The following BRPF3 variants were observed in gnomAD, a reference collection of about 807,000 sequenced individuals.
The protein encoded by BRPF3 is bromodomain and PHD finger containing 3, also known as bromodomain and PHD finger-containing protein 3.
In BRPF3, 18 loss-of-function variants were observed where a neutral mutation model predicts 102.0. The observed-to-expected ratio is 0.18, with a 90% CI of 0.12 to 0.26. The LOEUF is 0.26. Among genes scored for constraint, BRPF3 ranks in the 10% least tolerant of loss-of-function variants. The pLI, the probability that BRPF3 is intolerant of heterozygous loss-of-function variation, is 1.00. For synonymous variants in BRPF3, 570 were observed against 614.2 expected, an observed-to-expected ratio of 0.93 and a Z score of 1.06; for missense variants, 1,147 against 1,567.8, an observed-to-expected ratio of 0.73 and a Z score of 4.53.
At chr6:36,218,409 T>C (rs139805944) in intron 9 of BRPF3, among the ~76,000 whole-genome samples, 1 of 152,134 alleles carries the variant, frequency 6.6e-6, no homozygotes, top group East Asian at 1.9e-4. Flanking sequence ...AGCCTCTTTA[T>C]AGAGGTGTGG....
At chr6:36,217,095 A>G (rs780027907) in intron 8 of BRPF3, among the ~76,000 whole-genome samples, 4 of 152,236 alleles carry the variant, frequency 2.6e-5, no homozygotes, top group Non-Finnish European at 4.4e-5. Context: ...CTTCAAGGTC[A>G]TATACCTGGG....
In BRPF3 at chr6:36,230,745, C is replaced by G; in HGVS notation, c.*136C>G. The stretch of plus-strand genomic sequence containing the variant: ...GGCCAGGGACTGGGCTTTCTCCCCA[C>G]TAAGGGCAAGGCCCCAGTTTTGACC... On this transcript the variant is annotated 3_prime_UTR_variant, in exon 13 of 13. Coordinates refer to ENST00000357641, the MANE Select transcript of BRPF3 (RefSeq NM_015695.3). This position sits in a 1 kb window ranked among gnomAD's most constrained non-coding sequence, Gnocchi z 5.4. 8.6e-7 allele frequency: 1 copy of G among 1,164,618 alleles called. No homozygotes were observed. The highest frequency in any genetic ancestry group is 1.2e-6 in the Non-Finnish European group (1 of 839,126). 72.1% of individuals were successfully genotyped at this position (1,164,618 alleles called of 1,614,324 possible). A position where few individuals can be genotyped will look rare whatever the true frequency, so the allele number is the denominator to read the frequency against.
rs1767648210 is a variant in BRPF3 at position 36,200,338 on chromosome 6, C to G, written c.16C>G (p.Arg6Gly). 6.2e-7 allele frequency: 1 copy of G among 1,613,456 alleles called. No individual in the cohort carries two copies. The highest frequency in any genetic ancestry group is 1.3e-5 in the African/African-American group (1 of 74,948). The change falls in exon 2 of 13, where the codon CGG becomes GGG. Residue 6 changes from arginine (R) to glycine (G), a missense_variant. Coordinates refer to ENST00000357641, the MANE Select transcript of BRPF3 (RefSeq NM_015695.3). The surrounding 1 kb of genome is among the most constrained non-coding windows in gnomAD (Gnocchi z 5.3). The part of the protein sequence containing the change: MRKPR[R>G]KSRQNAEGRR... ...CCCAGGTGCCATGAGGAAGCCTCGT[C>G]GGAAGTCCCGGCAGAATGCCGAGGG...
chr6:36,207,589 G>T, intron 4 of BRPF3, 145 bp downstream of exon 4: 1 of 1,169,820 alleles, frequency 8.5e-7, no homozygotes, highest in Non-Finnish European at 1.2e-6. Context: ...TCCAAGATCT[G>T]CCTACTTTGT....
intron 9 of BRPF3, 131 bp downstream of exon 9, chr6:36,218,141 C>T (rs1487020967): frequency 1.4e-6 from 1 of 725,940 alleles, no homozygotes; most frequent in African/African-American, 1.8e-5. Context: ...TTCCTGAGGC[C>T]TCTTATCTGT....
In BRPF3 at chr6:36,225,444, G is replaced by A. The variant is rs1768702702; in HGVS notation, c.3279+80G>A. On this transcript the variant is annotated intron_variant, in intron 11 of 12. Transcript: ENST00000357641. Reference sequence around the variant, plus strand: ...AATCTGATTGGATTAAGCCAGCAGAGTGTGGTGGGAGTCAGAGTGTCTTTA... The same window carrying A: ...AATCTGATTGGATTAAGCCAGCAGAATGTGGTGGGAGTCAGAGTGTCTTTA... 5 of 1,310,890 alleles carry A rather than the reference G, an allele frequency of 3.8e-6. No homozygotes were observed. In the East Asian group the frequency reaches 9.6e-5, roughly 25 times the overall value. The allele number at this position is 1,310,890 out of a possible 1,614,324, so 81.2% of individuals were successfully genotyped here. A position where few individuals can be genotyped will look rare whatever the true frequency, so the allele number is the denominator to read the frequency against.
intron 4 of BRPF3, among the ~76,000 whole-genome samples, chr6:36,208,417 G>C (rs1032512162): frequency 6.6e-6 from 1 of 152,172 alleles, no homozygotes; most frequent in Admixed American, 6.6e-5. Context: ...AGGAGGATAG[G>C]TTGAGTCCAG....
Position 36,230,900 on chromosome 6 carries a change from T to G in BRPF3, c.*291T>G. 1 of 379,286 alleles carries G rather than the reference T, an allele frequency of 2.6e-6. No homozygotes were observed. Among genetic ancestry groups the G allele is most frequent in the African/African-American group, 2.1e-5 (1 of 48,600 alleles). 23.5% of individuals were successfully genotyped at this position (379,286 alleles called of 1,614,324 possible). On this transcript the variant is annotated 3_prime_UTR_variant, in exon 13 of 13. Transcript: ENST00000357641. The surrounding 1 kb of genome is among the most constrained non-coding windows in gnomAD (Gnocchi z 5.4). ...TGGGGCTTGGGCCCAGCTTAGGAGA[T>G]TGCCCAGATGGCAAGAGGTCCTGGG... is the stretch of plus-strand genomic sequence containing the variant.
chr6:36,219,771 A>G (rs1951464218), intron 9 of BRPF3, among the ~76,000 whole-genome samples: 1 of 152,234 alleles, frequency 6.6e-6, no homozygotes, highest in Non-Finnish European at 1.5e-5. Flanking sequence ...GGTAATAAGT[A>G]TATAAGGGAA....
intron 2 of BRPF3, among the ~76,000 whole-genome samples, chr6:36,203,790 T>G (rs796120443): frequency 2.6e-5 from 4 of 152,346 alleles, no homozygotes; most frequent in African/African-American, 9.6e-5. Flanking sequence ...TACCATGGTA[T>G]AGCAGAGAGA....
rs140696982 is a variant in BRPF3, at chr6:36,229,533, G to A, written c.3434+477G>A. On this transcript the variant is annotated intron_variant, in intron 12 of 12. Coordinates refer to ENST00000357641, the MANE Select transcript of BRPF3 (RefSeq NM_015695.3). ...GTGATTCCTAGAGAGGGACTCAGATGAGAGCCTGTGAGCTTCCAGCACTTC... is the reference window on the plus strand; with the variant it reads ...GTGATTCCTAGAGAGGGACTCAGATAAGAGCCTGTGAGCTTCCAGCACTTC... Among the ~76,000 whole-genome samples, 10 of 152,334 alleles carry A rather than the reference G, an allele frequency of 6.6e-5. No individual in the cohort carries two copies. In the East Asian group the frequency reaches 1.9e-3, roughly 29 times the overall value.
At chr6:36,203,466 A>G (rs1467486200) in intron 2 of BRPF3, among the ~76,000 whole-genome samples, 1 of 152,170 alleles carries the variant, frequency 6.6e-6, no homozygotes, top group Non-Finnish European at 1.5e-5. Flanking sequence ...TCCATGGCCA[A>G]GAGGTAGAGG....
chr6:36,226,028 A>C (rs968766031), intron 11 of BRPF3, among the ~76,000 whole-genome samples: 1 of 152,166 alleles, frequency 6.6e-6, no homozygotes, highest in Admixed American at 6.5e-5. Context: ...CATCAACATC[A>C]CTTTTAATGA....
At chr6:36,214,424 T>C (rs372090972) in intron 8 of BRPF3, 38 bp downstream of exon 8, 379 of 1,510,304 alleles carry the variant, frequency 2.5e-4, no homozygotes, top group Non-Finnish European at 3.2e-4. Context: ...ACTTCGCATC[T>C]GCTTTTCTGC....
At chr6:36,218,051 C>T (rs1768394785) in intron 9 of BRPF3, 41 bp downstream of exon 9, 2 of 1,547,666 alleles carry the variant, frequency 1.3e-6, no homozygotes, top group Non-Finnish European at 1.8e-6. Context: ...AGCTCTGCTA[C>T]CCCTCCTTTT....
intron 3 of BRPF3, among the ~76,000 whole-genome samples, chr6:36,206,068 G>T (rs969448414): frequency 1.3e-5 from 2 of 152,102 alleles, no homozygotes; most frequent in Non-Finnish European, 2.9e-5. Flanking sequence ...TGCTTTGGGG[G>T]CTTTATCAAC....
chr6:36,230,762 GT>G lies in BRPF3; in HGVS notation c.*157del. The G allele has an allele frequency of 1.0e-6, 1 of 983,630 alleles. No homozygotes were observed. Among genetic ancestry groups the G allele is most frequent in the Admixed American group, 2.9e-5 (1 of 34,308 alleles). The allele number at this position is 983,630 out of a possible 1,614,324, so 60.9% of individuals were successfully genotyped here. A position where few individuals can be genotyped will look rare whatever the true frequency, so the allele number is the denominator to read the frequency against. The stretch of plus-strand genomic sequence containing the variant: ...TCTCCCCACTAAGGGCAAGGCCCCA[GT>G]TTTGACCAATCGCATGGTTCTCCTG... On this transcript the variant is annotated 3_prime_UTR_variant, in exon 13 of 13. Coordinates refer to ENST00000357641, the MANE Select transcript of BRPF3 (RefSeq NM_015695.3). This position sits in a 1 kb window ranked among gnomAD's most constrained non-coding sequence, Gnocchi z 5.4.
At position 36,231,558 on chromosome 6, in the gene BRPF3, C is replaced by T. The variant is rs942625399; in HGVS notation, c.*949C>T. On this transcript the variant is annotated 3_prime_UTR_variant, in exon 13 of 13. Transcript: ENST00000357641. ...TCGTCAGCTGGGTCTGCCCTCTTCC[C>T]CCTTTTCTCCTTCTTCTCTCCTCAT... 5 of 151,898 alleles carry T rather than the reference C, an allele frequency of 3.3e-5. No individual in the cohort carries two copies. The highest frequency in any genetic ancestry group is 9.7e-5 in the African/African-American group (4 of 41,176). The allele number at this position is 151,898 out of a possible 1,614,324, so 9.4% of individuals were successfully genotyped here.
chr6:36,217,910 T>G lies in BRPF3; in HGVS notation c.2990-7T>G, dbSNP rs774891042. On this transcript the variant is annotated splice_polypyrimidine_tract_variant and splice_region_variant and intron_variant, in intron 8 of 12. Transcript: ENST00000357641. ...GCACTCAGACTCACTGTGTGTGTCCTTGGCAGGCATGACCAACGGCTTTGG... is the reference window on the plus strand; with the variant it reads ...GCACTCAGACTCACTGTGTGTGTCCGTGGCAGGCATGACCAACGGCTTTGG... The G allele has an allele frequency of 2.5e-6, 4 of 1,612,732 alleles. No individual in the cohort carries two copies. Among genetic ancestry groups the G allele is most frequent in the Admixed American group, 3.3e-5 (2 of 59,842 alleles).
Sources: gnomAD v4.1 joint callset for allele counts (sites outside exome capture counted in the v4.1 genomes callset) on GRCh38, gnomAD v4.1.1 for gene constraint, Gnocchi (gnomAD v3.1) non-coding constraint, MANE v1.5 for transcripts, NCBI Gene and HGNC (gene_info 2026-07-23, HGNC 2026-07-21) for gene names.